The following ERAP1 variants were observed in gnomAD, a reference collection of about 807,000 sequenced individuals.
ERAP1 encodes adipocyte-derived leucine aminopeptidase.
Under a neutral mutation model 103.7 loss-of-function variants are expected in ERAP1, and 86 were observed. The ratio of observed to expected loss-of-function variants is 0.83; its 90% confidence interval spans 0.70 to 0.99. The LOEUF (loss-of-function observed/expected upper bound fraction) is 0.99, where lower values mean the gene tolerates loss of function less well. Ranked by LOEUF, ERAP1 falls within the 50% of genes least tolerant of loss-of-function variation. ERAP1 has a pLI of 0.00. For missense variants in ERAP1, 1,009 were observed against 1,128.4 expected (o/e 0.89, Z 1.52); for synonymous variants, 398 against 402.4 (o/e 0.99, Z 0.13).
the ERAP1 span, among the ~76,000 whole-genome samples, chr5:96,837,804 G>A: frequency 1.3e-5 from 2 of 152,184 alleles, no homozygotes; most frequent in Non-Finnish European, 2.9e-5. Context: ...TGGTAAATGC[G>A]GGGGATTTTA....
At chr5:96,893,829 A>G in the ERAP1 span, among the ~76,000 whole-genome samples, 1 of 151,836 alleles carries the variant, frequency 6.6e-6, no homozygotes, top group East Asian at 1.9e-4. Flanking sequence ...GCTCCTTTTT[A>G]CCTCTCCATC....
the ERAP1 span, among the ~76,000 whole-genome samples, chr5:96,828,753 G>T: frequency 6.6e-6 from 1 of 152,130 alleles, no homozygotes; most frequent in African/African-American, 2.4e-5. Flanking sequence ...TGAGTGAGGG[G>T]TCTGGAGAAG....
chr5:96,787,106 A>G (rs1776118713), intron 11 of ERAP1, among the ~76,000 whole-genome samples: 1 of 152,226 alleles, frequency 6.6e-6, no homozygotes, highest in Non-Finnish European at 1.5e-5. Context: ...CCTGTATTAA[A>G]TCCTAAGTCA....
At chr5:96,933,555 G>C in the ERAP1 span, among the ~76,000 whole-genome samples, 1 of 152,012 alleles carries the variant, frequency 6.6e-6, no homozygotes, top group Non-Finnish European at 1.5e-5. Context: ...ACCTATATTC[G>C]CTAGTGCATT....
the ERAP1 span, among the ~76,000 whole-genome samples, chr5:96,828,236 C>T: frequency 6.6e-6 from 1 of 152,104 alleles, no homozygotes; most frequent in Non-Finnish European, 1.5e-5. Flanking sequence ...ATTTATCGGT[C>T]TTTTGTGGGT....
chr5:96,917,196 T>C, the ERAP1 span, among the ~76,000 whole-genome samples: 2 of 152,064 alleles, frequency 1.3e-5, no homozygotes, highest in Non-Finnish European at 2.9e-5. Flanking sequence ...AACCTCCACC[T>C]GCTGGGTTCA....
the ERAP1 span, chr5:96,896,610 C>T: frequency 6.8e-7 from 1 of 1,468,560 alleles, no homozygotes; most frequent in South Asian, 1.3e-5. Flanking sequence ...ACTTGTTTCA[C>T]TTTTTATTTG....
At chr5:96,806,114 T>C (rs1778566993) in intron 1 of ERAP1, 1 of 152,224 alleles carries the variant, frequency 6.6e-6, no homozygotes, top group African/African-American at 2.4e-5. Context: ...AACTGTAGGC[T>C]ACATCCAAGA....
the ERAP1 span, among the ~76,000 whole-genome samples, chr5:96,850,684 C>T: frequency 1.3e-5 from 2 of 152,102 alleles, no homozygotes; most frequent in Admixed American, 6.6e-5. Flanking sequence ...TAGCCGGATT[C>T]ACTCATTCCA....
At chr5:96,768,425 A>G (rs1424536483) in intron 19 of ERAP1, 6 of 456,382 alleles carry the variant, frequency 1.3e-5, no homozygotes. Flanking sequence ...ACGATGATAT[A>G]GAGAACCTGA....
the ERAP1 span, among the ~76,000 whole-genome samples, chr5:96,832,941 C>T: frequency 1.3e-5 from 2 of 152,108 alleles, no homozygotes; most frequent in African/African-American, 4.8e-5. Flanking sequence ...AAGGTGGAGC[C>T]ATCGTGAATG....
At chr5:96,883,830 G>T in the ERAP1 span, 1 of 1,613,276 alleles carries the variant, frequency 6.2e-7, no homozygotes, top group Non-Finnish European at 8.5e-7. Context: ...ACCCAGGCAC[G>T]CATGGCTTTC....
the ERAP1 span, among the ~76,000 whole-genome samples, chr5:96,851,340 G>A: frequency 1.3e-5 from 2 of 152,098 alleles, no homozygotes; most frequent in Non-Finnish European, 2.9e-5. Flanking sequence ...CACATCCCGT[G>A]TCTCCTTTCA....
intron 3 of ERAP1, among the ~76,000 whole-genome samples, chr5:96,797,918 A>G (rs1007850910): frequency 6.6e-6 from 1 of 152,194 alleles, no homozygotes; most frequent in African/African-American, 2.4e-5. Context: ...TTTTCCTTAA[A>G]TACAGGTTTG....
chr5:96,866,468 TA>T, the ERAP1 span, among the ~76,000 whole-genome samples: 1 of 152,232 alleles, frequency 6.6e-6, no homozygotes, highest in African/African-American at 2.4e-5. Flanking sequence ...GTAATAGTGA[TA>T]ATTATAACCA....
intron 13 of ERAP1, 140 bp downstream of exon 13, chr5:96,785,648 T>C: frequency 2.3e-6 from 2 of 853,052 alleles, no homozygotes; most frequent in South Asian, 1.5e-5. Context: ...AAAGCAATCT[T>C]GGGTTGTTAG....
At chr5:96,831,130 AG>A in the ERAP1 span, among the ~76,000 whole-genome samples, 4 of 152,180 alleles carry the variant, frequency 2.6e-5, no homozygotes, top group African/African-American at 9.7e-5. Context: ...GCTTCTGAGG[AG>A]GCCTCAGGAA....
chr5:96,810,104 C>G (rs1779067342), upstream of ERAP1, among the ~76,000 whole-genome samples: 1 of 152,148 alleles, frequency 6.6e-6, no homozygotes, highest in African/African-American at 2.4e-5. Context: ...AAAAGCTCAC[C>G]CTGACTCAGA....
rs1581554560 is a variant in ERAP1 at position 96,783,257 on chromosome 5, A to G, written c.2101-22T>C. On this transcript the variant is annotated intron_variant, in intron 14 of 18. Coordinates refer to ENST00000443439, the MANE Select transcript of ERAP1 (RefSeq NM_001040458.3). ...AGGCCTGAGGGCGTTGTACAGGGAA[A>G]CAGGGACCAGTATTGTCACAGGTCA... The G allele has an allele frequency of 3.1e-6, 5 of 1,599,158 alleles. No homozygotes were observed. In the East Asian group the frequency reaches 1.1e-4, roughly 36 times the overall value.
Sources: gnomAD v4.1 joint callset for allele counts (sites outside exome capture counted in the v4.1 genomes callset) on GRCh38, gnomAD v4.1.1 for gene constraint, MANE v1.5 for transcripts, NCBI Gene and HGNC (gene_info 2026-07-23, HGNC 2026-07-21) for gene names.